The following ATP10B variants were observed in gnomAD, a reference collection of about 807,000 sequenced individuals.
ATP10B encodes phospholipid-transporting ATPase VB.
ATP10B carries 122 observed loss-of-function variants against 141.2 expected under a neutral mutation model. That is an observed-to-expected ratio of 0.86 (90% CI 0.75 to 1.00). The LOEUF is 1.00. Among genes scored for constraint, ATP10B ranks in the 50% least tolerant of loss-of-function variants. ATP10B has a pLI of 0.00. For synonymous variants in ATP10B, 685 were observed against 692.0 expected (o/e 0.99, Z 0.16); for missense variants, 1,876 against 1,825.3 (o/e 1.03, Z -0.51).
chr5:160,892,188 C>T, the ATP10B span, among the ~76,000 whole-genome samples: 2 of 152,080 alleles, frequency 1.3e-5, no homozygotes, highest in Non-Finnish European at 2.9e-5. Context: ...AGACTAAAAC[C>T]CAAGCTCCAA....
At chr5:160,664,689 C>G (rs1475159600) in intron 7 of ATP10B, among the ~76,000 whole-genome samples, 1 of 152,160 alleles carries the variant, frequency 6.6e-6, no homozygotes, top group Non-Finnish European at 1.5e-5. Flanking sequence ...ACTGAAGTGG[C>G]TAGTCCGCAG....
intron 2 of ATP10B, among the ~76,000 whole-genome samples, chr5:160,759,677 T>C (rs1000583048): frequency 4.6e-5 from 7 of 152,146 alleles, no homozygotes; most frequent in Admixed American, 3.9e-4. Context: ...CCAAGGAATA[T>C]CCATAGGTCT....
intron 25 of ATP10B, among the ~76,000 whole-genome samples, chr5:160,566,281 T>C (rs1754532386): frequency 6.6e-6 from 1 of 152,224 alleles, no homozygotes; most frequent in Non-Finnish European, 1.5e-5. Flanking sequence ...AACCACACTC[T>C]CTGAATCCAA....
intron 3 of ATP10B, among the ~76,000 whole-genome samples, chr5:160,691,447 T>C (rs560532267): frequency 6.6e-6 from 1 of 152,254 alleles, no homozygotes; most frequent in Non-Finnish European, 1.5e-5. Context: ...AAGGTTCTTT[T>C]TGGCCAAATT....
chr5:160,768,775 C>A (rs1196326681), intron 2 of ATP10B, among the ~76,000 whole-genome samples: 1 of 152,170 alleles, frequency 6.6e-6, no homozygotes, highest in Admixed American at 6.5e-5. Flanking sequence ...AAGATGCATT[C>A]AGGAAGCTGA....
At chr5:160,751,047 A>T (rs1768117295) in intron 2 of ATP10B, among the ~76,000 whole-genome samples, 1 of 152,244 alleles carries the variant, frequency 6.6e-6, no homozygotes, top group South Asian at 2.1e-4. Flanking sequence ...CCCTGTGCAG[A>T]TGTCCTGGCA....
intron 7 of ATP10B, among the ~76,000 whole-genome samples, chr5:160,651,357 G>C (rs1025860382): frequency 4.5e-4 from 68 of 151,928 alleles, no homozygotes; most frequent in Non-Finnish European, 4.4e-4. Context: ...TAGTCCAATG[G>C]GGATGAAACA....
the ATP10B span, among the ~76,000 whole-genome samples, chr5:160,927,114 G>A: frequency 6.6e-6 from 1 of 152,182 alleles, no homozygotes; most frequent in African/African-American, 2.4e-5. Flanking sequence ...CACAATTGCA[G>A]AGAAGAGTAC....
At chr5:160,688,225 A>G (rs1410098717) in intron 4 of ATP10B, 131 bp from the exon 5 acceptor site, 2 of 921,248 alleles carry the variant, frequency 2.2e-6, no homozygotes, top group African/African-American at 3.3e-5. Flanking sequence ...ACTTCCTTGT[A>G]ACTAAAGGTC....
chr5:160,859,604 A>T, the ATP10B span, among the ~76,000 whole-genome samples: 2 of 151,452 alleles, frequency 1.3e-5, no homozygotes, highest in African/African-American at 2.4e-5. Context: ...GCTCTTTGGC[A>T]CTCTACTATT....
chr5:160,804,008 G>A (rs1473196469), intron 1 of ATP10B, among the ~76,000 whole-genome samples: 2 of 151,990 alleles, frequency 1.3e-5, no homozygotes, highest in Non-Finnish European at 2.9e-5. Flanking sequence ...GACTGGAACT[G>A]GAGTTACTGT....
intron 21 of ATP10B, among the ~76,000 whole-genome samples, chr5:160,602,025 A>G (rs1277164018): frequency 6.6e-6 from 1 of 152,210 alleles, no homozygotes; most frequent in African/African-American, 2.4e-5. Flanking sequence ...GAAATCTGAT[A>G]CAGTTCAGAC....
At chr5:160,901,845 T>C in the ATP10B span, among the ~76,000 whole-genome samples, 1 of 152,216 alleles carries the variant, frequency 6.6e-6, no homozygotes, top group Non-Finnish European at 1.5e-5. Flanking sequence ...GAATAGGTTA[T>C]TGAACTCCTG....
chr5:160,919,914 T>C, the ATP10B span, among the ~76,000 whole-genome samples: 8 of 152,134 alleles, frequency 5.3e-5, no homozygotes, highest in African/African-American at 1.9e-4. Context: ...TGTAATGAGG[T>C]TTCAGTTATA....
intron 2 of ATP10B, among the ~76,000 whole-genome samples, chr5:160,779,976 T>A (rs1770607552): frequency 6.6e-6 from 1 of 152,182 alleles, no homozygotes; most frequent in African/African-American, 2.4e-5. Context: ...AACACTAAAG[T>A]TCAGGAAGCT....
chr5:160,706,960 T>C (rs1561774985), intron 3 of ATP10B, among the ~76,000 whole-genome samples: 1 of 152,112 alleles, frequency 6.6e-6, no homozygotes, highest in Non-Finnish European at 1.5e-5. Context: ...TTTATTTATT[T>C]ATTTATTTAT....
chr5:160,879,636 A>C, the ATP10B span, among the ~76,000 whole-genome samples: 335 of 152,086 alleles, frequency 2.2e-3, no homozygotes, highest in African/African-American at 7.7e-3. Context: ...CAAGAGATGG[A>C]GACCATCCTG....
upstream of ATP10B, among the ~76,000 whole-genome samples, chr5:160,853,878 A>C (rs1347054960): frequency 6.6e-6 from 1 of 152,208 alleles, no homozygotes; most frequent in Non-Finnish European, 1.5e-5. Flanking sequence ...TTTAAAAATC[A>C]CACTCACAGA....
At chr5:160,675,474 A>C (rs987318934) in intron 6 of ATP10B, among the ~76,000 whole-genome samples, 1 of 152,190 alleles carries the variant, frequency 6.6e-6, no homozygotes, top group South Asian at 2.1e-4. Flanking sequence ...TGAAAGGCGA[A>C]ATAGAGGGAG....
Sources: gnomAD v4.1 joint callset for allele counts (sites outside exome capture counted in the v4.1 genomes callset) on GRCh38, gnomAD v4.1.1 for gene constraint, MANE v1.5 for transcripts, NCBI Gene and HGNC (gene_info 2026-07-23, HGNC 2026-07-21) for gene names.